ANOS1: variants seen among roughly 807,000 people sequenced by gnomAD.
ANOS1 encodes anosmin 1.
A neutral mutation model predicts 59.0 loss-of-function variants in ANOS1; 6 were observed. The observed-to-expected ratio is 0.10, with a 90% confidence interval of 0.06 to 0.20. The LOEUF is 0.20. Ranked by LOEUF, ANOS1 falls within the 10% of genes least tolerant of loss-of-function variation. The pLI, the probability that ANOS1 is intolerant of heterozygous loss-of-function variation, is 1.00. For missense variants in ANOS1, 433 were observed against 542.3 expected, an observed-to-expected ratio of 0.80 and a Z score of 2.00; for synonymous variants, 217 against 223.4, an observed-to-expected ratio of 0.97 and a Z score of 0.25.
intron 2 of ANOS1, among the ~76,000 whole-genome samples, chrX:8,680,287 T>C (rs937333774): frequency 9.1e-6 from 1 of 109,491 alleles, no homozygotes; most frequent in Non-Finnish European, 1.9e-5. Flanking sequence ...GATGTGATCA[T>C]AGCTCTCAGT....
chrX:8,668,761 G>A (rs767585737), intron 2 of ANOS1, among the ~76,000 whole-genome samples: 69 of 109,821 alleles, frequency 6.3e-4, no homozygotes, highest in African/African-American at 2.1e-3. Flanking sequence ...CAACAAAGGT[G>A]CAGGGTGCCA....
chrX:8,649,082 C>T (rs769371341), intron 2 of ANOS1, among the ~76,000 whole-genome samples: 17 of 111,784 alleles, frequency 1.5e-4, no homozygotes, highest in Non-Finnish European at 2.4e-4. Flanking sequence ...ACTAGACATA[C>T]GCTTCACTAC....
intron 2 of ANOS1, among the ~76,000 whole-genome samples, chrX:8,685,600 G>GGAAGAA (rs1932501938): frequency 2.1e-5 from 1 of 46,833 alleles, no homozygotes; most frequent in East Asian, 5.0e-4. Flanking sequence ...AAGAAAGGAA[G>GGAAGAA]AAAGAAAGAA....
chrX:8,575,819 C>T (rs1209519267), intron 6 of ANOS1, among the ~76,000 whole-genome samples: 1 of 111,514 alleles, frequency 9.0e-6, no homozygotes, highest in Non-Finnish European at 1.9e-5. Context: ...AACTGTAAAA[C>T]CAGGTCAGAC....
At chrX:8,667,996 G>A (rs182995011) in intron 2 of ANOS1, among the ~76,000 whole-genome samples, 21 of 111,122 alleles carry the variant, frequency 1.9e-4, no homozygotes, top group Middle Eastern at 4.6e-3. Context: ...AAATGCTGAC[G>A]AGTGTCAAGT....
intron 3 of ANOS1, among the ~76,000 whole-genome samples, chrX:8,605,180 T>G (rs1930916519): frequency 9.0e-6 from 1 of 111,001 alleles, no homozygotes; most frequent in Admixed American, 9.7e-5. Context: ...CATTAAAGTT[T>G]GACTTCTGCC....
rs760044776 is a variant in ANOS1, at chrX:8,574,604, A to G, written c.857-3900T>C. Among the ~76,000 whole-genome samples the G allele has an allele frequency of 6.2e-5, 7 of 112,005 alleles. 1 individual carries two copies. In the Admixed American group the frequency reaches 6.6e-4, roughly 11 times the overall value. ...TTAGACTGGTTTAGTCTTCTGGCCT[A>G]CATCTTCCTCCTGTGCTGGATGCTT... is the stretch of plus-strand genomic sequence containing the variant. On this transcript the variant is annotated intron_variant, in intron 6 of 13. Coordinates refer to ENST00000262648, the MANE Select transcript of ANOS1 (RefSeq NM_000216.4).
chrX:8,581,797 G>A (rs749482572), intron 6 of ANOS1, among the ~76,000 whole-genome samples: 1 of 111,788 alleles, frequency 8.9e-6, no homozygotes, highest in Admixed American at 9.5e-5. Flanking sequence ...CCATAAAATT[G>A]TCTCATCTTA....
chrX:8,666,747 C>T (rs1490777632), intron 2 of ANOS1, among the ~76,000 whole-genome samples: 4 of 112,046 alleles, frequency 3.6e-5, no homozygotes, highest in African/African-American at 1.3e-4. Flanking sequence ...CTGTGGCGTC[C>T]ATCCAAAATG....
rs766105366 is a variant in ANOS1 at position 8,723,451 on chromosome X, G to A, written c.207+8379C>T. On this transcript the variant is annotated intron_variant, in intron 1 of 13. Transcript: ENST00000262648. ...GAAGATATACAACTGGCCAACAAAC[G>A]TATGAAAAACATGCTCAACATCACT... Among the ~76,000 whole-genome samples the A allele has an allele frequency of 3.6e-5, 4 of 111,970 alleles. No individual in the cohort carries two copies. In the East Asian group the frequency reaches 8.5e-4, roughly 24 times the overall value.
At chrX:8,571,111 CAAAAA>C (rs201277459) in intron 6 of ANOS1, among the ~76,000 whole-genome samples, 1 of 55,839 alleles carries the variant, frequency 1.8e-5, no homozygotes, top group African/African-American at 5.4e-5. Flanking sequence ...GACACTGTCT[CAAAAA>C]AAAAAAAAAA....
intron 3 of ANOS1, among the ~76,000 whole-genome samples, chrX:8,610,533 T>C (rs1239944637): frequency 8.9e-6 from 1 of 111,891 alleles, no homozygotes; most frequent in Admixed American, 9.5e-5. Flanking sequence ...GAGAGAAACC[T>C]ACAGGGATTC....
At chrX:8,538,120 A>C (rs1183479815) in intron 10 of ANOS1, among the ~76,000 whole-genome samples, 2 of 110,938 alleles carry the variant, frequency 1.8e-5, no homozygotes, top group Admixed American at 1.9e-4. Context: ...ACAACGCAAG[A>C]CCAACCCAAG....
chrX:8,726,305 C>T (rs1932919814), intron 1 of ANOS1, among the ~76,000 whole-genome samples: 1 of 111,556 alleles, frequency 9.0e-6, no homozygotes, highest in Admixed American at 9.5e-5. Flanking sequence ...TAGGAAGAGC[C>T]TCTGATCTCT....
At chrX:8,582,264 T>C (rs1184345205) in intron 6 of ANOS1, among the ~76,000 whole-genome samples, 1 of 112,434 alleles carries the variant, frequency 8.9e-6, no homozygotes, top group Non-Finnish European at 1.9e-5. Flanking sequence ...CACATATAAG[T>C]AGCATGGCTA....
intron 1 of ANOS1, among the ~76,000 whole-genome samples, chrX:8,707,729 T>C (rs891009378): frequency 9.0e-6 from 1 of 111,592 alleles, no homozygotes; most frequent in Non-Finnish European, 1.9e-5. Context: ...TACCACACCA[T>C]TTTACTTCAA....
intron 2 of ANOS1, among the ~76,000 whole-genome samples, chrX:8,656,147 C>T (rs963399110): frequency 1.8e-5 from 2 of 112,472 alleles, no homozygotes; most frequent in African/African-American, 6.5e-5. Flanking sequence ...GACCCAGCCA[C>T]TACCTGCACA....
intron 10 of ANOS1, among the ~76,000 whole-genome samples, chrX:8,539,040 C>T (rs1442633188): frequency 9.0e-6 from 1 of 111,490 alleles, no homozygotes; most frequent in East Asian, 2.8e-4. Flanking sequence ...ATAAAATGAC[C>T]TCTTAAATAT....
chrX:8,703,267 T>C (rs760046763), intron 1 of ANOS1, among the ~76,000 whole-genome samples: 8 of 112,292 alleles, frequency 7.1e-5, no homozygotes, highest in Non-Finnish European at 1.3e-4. Context: ...TCTGAGGCCA[T>C]GCAAGAGTGA....
Sources: allele counts gnomAD v4.1 joint callset (sites outside exome capture counted in the v4.1 genomes callset), GRCh38; gene constraint gnomAD v4.1.1; transcripts MANE v1.5; gene names NCBI Gene and HGNC (gene_info 2026-07-23, HGNC 2026-07-21).